Variants in WDPCP observed in about 807,000 individuals in gnomAD.
The protein encoded by WDPCP is WD repeat-containing and planar cell polarity effector protein fritz homolog.
Under a neutral mutation model 93.1 loss-of-function variants are expected in WDPCP, and 71 were observed. The observed-to-expected ratio is 0.76, with a 90% CI of 0.63 to 0.93. The LOEUF (loss-of-function observed/expected upper bound fraction) is 0.93, where lower values mean the gene tolerates loss of function less well. WDPCP is among the 40% of genes least tolerant of loss of function. The probability of loss-of-function intolerance (pLI) is 0.00; values close to 1 mark genes in which losing one functional copy is unlikely to be tolerated. For missense variants in WDPCP, 844 were observed against 887.4 expected (o/e 0.95, Z 0.62); for synonymous variants, 315 against 315.0 (o/e 1.00, Z 0.00).
chr2:63,747,375 G>A (rs970914419), intron 2 of WDPCP, among the ~76,000 whole-genome samples: 1 of 152,032 alleles, frequency 6.6e-6, no homozygotes, highest in Non-Finnish European at 1.5e-5. Flanking sequence ...CTGTTGCCAT[G>A]AGGATATTTT....
Position 63,606,977 on chromosome 2 carries a change from C to T in WDPCP, n.488+43682G>A, listed in dbSNP as rs142463350. On this transcript the variant is annotated intron_variant and non_coding_transcript_variant, in intron 3 of 4. Transcript: ENST00000467687. ...AAAGAAAGTGCTTTTGAATTTCTTT[C>T]CTCTGCCTGACTAGACAATGATGTT... 489 of 1,611,236 alleles carry T rather than the reference C, an allele frequency of 3.0e-4. 4 individuals are homozygous for T. In the East Asian group the frequency reaches 8.6e-3, roughly 28 times the overall value.
intron 12 of WDPCP, among the ~76,000 whole-genome samples, chr2:63,354,238 C>T (rs753152029): frequency 1.3e-5 from 2 of 152,198 alleles, no homozygotes; most frequent in East Asian, 1.9e-4. Flanking sequence ...CAGCACAGAC[C>T]TTCCATCCTG....
upstream of WDPCP, chr2:63,593,520 C>T (rs1709242265): frequency 2.1e-6 from 1 of 470,542 alleles, no homozygotes; most frequent in Admixed American, 2.4e-5. Context: ...GCTATCCATC[C>T]TTGTTTCGTC....
At chr2:63,356,347 A>G (rs754876977) in intron 12 of WDPCP, among the ~76,000 whole-genome samples, 3 of 152,216 alleles carry the variant, frequency 2.0e-5, no homozygotes, top group Non-Finnish European at 2.9e-5. Context: ...TCAACACTCC[A>G]CTAACAGTAT....
At chr2:63,455,439 T>C (rs56784969) in intron 6 of WDPCP, among the ~76,000 whole-genome samples, 12,209 of 111,962 alleles carry the variant, frequency 0.11, 661 homozygotes, top group African/African-American at 0.19. Flanking sequence ...TATATATATA[T>C]ACACACACAC....
chr2:63,521,044 A>G (rs1702891246), intron 1 of WDPCP, among the ~76,000 whole-genome samples: 1 of 152,186 alleles, frequency 6.6e-6, no homozygotes, highest in South Asian at 2.1e-4. Flanking sequence ...CCTGCCTTAC[A>G]AGAGGTCCTA....
chr2:63,219,729 G>A (rs577412639), intron 14 of WDPCP, among the ~76,000 whole-genome samples: 13 of 152,096 alleles, frequency 8.5e-5, no homozygotes, highest in Non-Finnish European at 1.6e-4. Flanking sequence ...GGCCGGACAC[G>A]GTGGCTCACG....
chr2:63,531,022 C>T (rs1010540943), intron 1 of WDPCP, among the ~76,000 whole-genome samples: 1 of 152,234 alleles, frequency 6.6e-6, no homozygotes, highest in South Asian at 2.1e-4. Flanking sequence ...CTTGGCAAAC[C>T]GCACACCAGG....
intron 2 of WDPCP, among the ~76,000 whole-genome samples, chr2:63,659,290 C>T (rs562562001): frequency 1.4e-3 from 211 of 152,290 alleles, no homozygotes; most frequent in Non-Finnish European, 1.5e-3. Flanking sequence ...AACTAGATAT[C>T]GTGAGCTGCA....
chr2:63,497,742 A>T (rs1414292643), intron 1 of WDPCP, among the ~76,000 whole-genome samples: 1 of 152,218 alleles, frequency 6.6e-6, no homozygotes, highest in Non-Finnish European at 1.5e-5. Context: ...GAATGCTGGT[A>T]ATTTCCTGGT....
intron 1 of WDPCP, among the ~76,000 whole-genome samples, chr2:63,552,307 G>T (rs1705737623): frequency 6.6e-6 from 1 of 151,182 alleles, no homozygotes; most frequent in African/African-American, 2.4e-5. Context: ...TATTCCCAGA[G>T]ATATATATAC....
intron 12 of WDPCP, among the ~76,000 whole-genome samples, chr2:63,368,397 C>T (rs1691108423): frequency 1.3e-5 from 2 of 151,844 alleles, no homozygotes; most frequent in Non-Finnish European, 2.9e-5. Flanking sequence ...ACAATATCGG[C>T]TCACTGCAGC....
At chr2:63,514,685 G>A (rs544506398) in intron 1 of WDPCP, among the ~76,000 whole-genome samples, 30 of 152,186 alleles carry the variant, frequency 2.0e-4, no homozygotes, top group East Asian at 1.9e-4. Flanking sequence ...CTAGATAGAC[G>A]TTAAACACCT....
intron 9 of WDPCP, among the ~76,000 whole-genome samples, chr2:63,427,241 T>C (rs1237971394): frequency 6.6e-6 from 1 of 152,118 alleles, no homozygotes; most frequent in Non-Finnish European, 1.5e-5. Flanking sequence ...TTGGACCTGA[T>C]AGACATATAA....
chr2:63,502,210 T>C (rs1701602903), intron 1 of WDPCP, among the ~76,000 whole-genome samples: 1 of 152,228 alleles, frequency 6.6e-6, no homozygotes, highest in Admixed American at 6.5e-5. Context: ...ACATCATGGA[T>C]ACTCTGTTAG....
intron 12 of WDPCP, among the ~76,000 whole-genome samples, chr2:63,338,849 T>G (rs1306864097): frequency 2.0e-5 from 3 of 151,650 alleles, no homozygotes; most frequent in African/African-American, 7.3e-5. Context: ...TCAGGATTGC[T>G]TTGGCTATTC....
chr2:63,571,886 A>C lies in WDPCP; in HGVS notation c.75+16311T>G, dbSNP rs1402460935. Among the ~76,000 whole-genome samples, 5 of 152,306 alleles carry C rather than the reference A, an allele frequency of 3.3e-5. No individual in the cohort carries two copies. In the East Asian group the frequency reaches 9.6e-4, roughly 29 times the overall value. On this transcript the variant is annotated intron_variant, in intron 1 of 17. Transcript: ENST00000272321. ...TCTATTTTTCCCACATATATTTTATATATATTTTACTCTCTCCCATGTAAA... is the reference window on the plus strand; with the variant it reads ...TCTATTTTTCCCACATATATTTTATCTATATTTTACTCTCTCCCATGTAAA...
intron 1 of WDPCP, among the ~76,000 whole-genome samples, chr2:63,503,289 C>T (rs184967103): frequency 1.3e-5 from 2 of 152,244 alleles, no homozygotes; most frequent in Admixed American, 1.3e-4. Flanking sequence ...ATTTAAAGAT[C>T]GGTGCTGACC....
At chr2:63,445,167 A>C (rs199840774) in intron 6 of WDPCP, among the ~76,000 whole-genome samples, 1 of 88,330 alleles carries the variant, frequency 1.1e-5, no homozygotes, top group Non-Finnish European at 2.6e-5. Flanking sequence ...AAAACACGTA[A>C]GTGCCTCCTA....
Sources: gnomAD v4.1 joint callset for allele counts (sites outside exome capture counted in the v4.1 genomes callset) on GRCh38, gnomAD v4.1.1 for gene constraint, MANE v1.5 for transcripts, NCBI Gene and HGNC (gene_info 2026-07-23, HGNC 2026-07-21) for gene names.